CPNE8: variants seen among roughly 807,000 people sequenced by gnomAD.
CPNE8 encodes the protein copine 8.
Under a neutral mutation model 81.5 loss-of-function variants are expected in CPNE8, and 45 were observed. The ratio of observed to expected loss-of-function variants is 0.55; its 90% CI spans 0.44 to 0.71. The LOEUF is 0.71. Ranked by LOEUF, CPNE8 falls within the 30% of genes least tolerant of loss-of-function variation. The pLI is 0.00. For synonymous variants in CPNE8, 252 were observed against 226.3 expected, an observed-to-expected ratio of 1.11 and a Z score of -1.02; for missense variants, 594 against 672.1, an observed-to-expected ratio of 0.88 and a Z score of 1.28.
At chr12:38,881,131 AC>A (rs1383565244) in intron 1 of CPNE8, among the ~76,000 whole-genome samples, 1 of 151,084 alleles carries the variant, frequency 6.6e-6, no homozygotes, top group East Asian at 1.9e-4. Flanking sequence ...AATGGCGTGA[AC>A]CCGGGAGGCG....
intron 6 of CPNE8, among the ~76,000 whole-genome samples, chr12:38,806,716 C>G (rs1292363915): frequency 1.4e-5 from 2 of 141,662 alleles, no homozygotes; most frequent in African/African-American, 5.0e-5. Flanking sequence ...CCTCTCTCAC[C>G]ACTCCTATTC....
At chr12:38,671,982 C>T (rs1317208154) in intron 18 of CPNE8, among the ~76,000 whole-genome samples, 1 of 152,054 alleles carries the variant, frequency 6.6e-6, no homozygotes, top group Non-Finnish European at 1.5e-5. Flanking sequence ...ATCTCCCTTA[C>T]TTCTTGGATA....
chr12:38,811,588 C>G (rs1424920208), intron 6 of CPNE8, among the ~76,000 whole-genome samples: 1 of 152,146 alleles, frequency 6.6e-6, no homozygotes, highest in Admixed American at 6.5e-5. Context: ...GGCATGGTGG[C>G]TCACATTTGA....
At chr12:38,678,575 C>G (rs757540310) in intron 16 of CPNE8, among the ~76,000 whole-genome samples, 5 of 151,816 alleles carry the variant, frequency 3.3e-5, no homozygotes, top group Admixed American at 6.6e-5. Context: ...TCTTAAGGAG[C>G]CCAATGAATC....
intron 19 of CPNE8, among the ~76,000 whole-genome samples, chr12:38,660,937 T>A (rs1938938153): frequency 6.6e-6 from 1 of 152,214 alleles, no homozygotes; most frequent in African/African-American, 2.4e-5. Context: ...AGAATGGCAA[T>A]CATTAAAAAG....
chr12:38,742,542 G>T (rs1158190096), intron 10 of CPNE8, among the ~76,000 whole-genome samples: 1 of 138,174 alleles, frequency 7.2e-6, no homozygotes, highest in Non-Finnish European at 1.6e-5. Context: ...GGTGGAGGGA[G>T]TGGGGAGGGA....
chr12:38,905,925 G>T (rs1286359598), upstream of CPNE8: 2 of 985,260 alleles, frequency 2.0e-6, no homozygotes, highest in East Asian at 2.3e-4. Flanking sequence ...GTCCAGGACC[G>T]CAAGCCCTCG....
intron 3 of CPNE8, among the ~76,000 whole-genome samples, chr12:38,865,857 CT>C (rs1424914672): frequency 6.6e-5 from 10 of 152,206 alleles, no homozygotes; most frequent in Non-Finnish European, 2.9e-5. Flanking sequence ...AAAGTGTATA[CT>C]TGTTCAATTG....
intron 6 of CPNE8, among the ~76,000 whole-genome samples, chr12:38,782,809 T>C (rs556653883): frequency 1.3e-5 from 2 of 152,168 alleles, no homozygotes; most frequent in Non-Finnish European, 2.9e-5. Context: ...GCCTTCCAAG[T>C]AGCTAGGAAT....
At position 38,902,393 on chromosome 12, in the gene CPNE8, G is replaced by GAGAA. The variant is rs1295439144; in HGVS notation, c.98+3040_98+3043dup. 9.9e-4 allele frequency among the ~76,000 whole-genome samples: 54 copies of GAGAA among 54,652 alleles called. 2 individuals carry two copies. Among genetic ancestry groups the GAGAA allele is most frequent in the Middle Eastern group, 7.2e-3 (1 of 138 alleles). The allele number at this position is 54,652 out of a possible 152,430, so 35.9% of individuals were successfully genotyped here. A position where few individuals can be genotyped will look rare whatever the true frequency, so the allele number is the denominator to read the frequency against. On this transcript the variant is annotated intron_variant, in intron 1 of 19. Transcript: ENST00000331366. ...GAAAGAAAGAAAGAAAAGAAAGAAAGAGAAAGAAAGAAAGAAAGAAAGAAA... is the reference window on the plus strand; with the variant it reads ...GAAAGAAAGAAAGAAAAGAAAGAAAGAGAAAGAAAGAAAGAAAGAAAGAAAGAAA...
chr12:38,677,230 G>A (rs931765911), intron 17 of CPNE8, among the ~76,000 whole-genome samples: 4 of 151,390 alleles, frequency 2.6e-5, no homozygotes, highest in African/African-American at 7.3e-5. Flanking sequence ...TTTTTCTTTA[G>A]GCAAAAATTT....
chr12:38,840,005 G>A (rs1565643431), intron 4 of CPNE8, 50 bp from the exon 5 acceptor site: 10 of 1,477,832 alleles, frequency 6.8e-6, no homozygotes, highest in Admixed American at 2.2e-5. Context: ...AATACAGCTA[G>A]AAAAAAAACC....
intron 7 of CPNE8, among the ~76,000 whole-genome samples, chr12:38,772,819 C>T (rs1941830723): frequency 6.6e-6 from 1 of 152,008 alleles, no homozygotes; most frequent in Admixed American, 6.6e-5. Context: ...TCTGAACTCC[C>T]ATGTTTATTC....
intron 13 of CPNE8, among the ~76,000 whole-genome samples, chr12:38,707,104 A>C (rs1413724668): frequency 2.0e-5 from 3 of 152,166 alleles, no homozygotes; most frequent in Non-Finnish European, 2.9e-5. Context: ...ACTTGAAGCC[A>C]GGAGTTCCAG....
intron 13 of CPNE8, among the ~76,000 whole-genome samples, chr12:38,721,843 T>C (rs1592037733): frequency 6.6e-6 from 1 of 152,202 alleles, no homozygotes; most frequent in African/African-American, 2.4e-5. Flanking sequence ...GTGCGTCTGG[T>C]CCAGCCATAG....
intron 13 of CPNE8, among the ~76,000 whole-genome samples, chr12:38,708,201 C>G (rs1940161642): frequency 6.6e-6 from 1 of 151,942 alleles, no homozygotes; most frequent in African/African-American, 2.4e-5. Flanking sequence ...AAGAAAGTTC[C>G]TAGCAATACT....
chr12:38,698,556 G>T (rs999024504), intron 14 of CPNE8, among the ~76,000 whole-genome samples: 1 of 152,110 alleles, frequency 6.6e-6, no homozygotes, highest in Admixed American at 6.5e-5. Flanking sequence ...TTAAGTATTT[G>T]ATCCATTTTG....
intron 11 of CPNE8, among the ~76,000 whole-genome samples, chr12:38,725,912 G>C (rs1313128386): frequency 6.6e-6 from 1 of 152,172 alleles, no homozygotes; most frequent in Non-Finnish European, 1.5e-5. Flanking sequence ...TTTGGCACCA[G>C]GGTCTGGTTT....
At chr12:38,682,542 A>T (rs80080423) in intron 16 of CPNE8, among the ~76,000 whole-genome samples, 6,880 of 152,318 alleles carry the variant, frequency 0.045, 401 homozygotes, top group East Asian at 0.32. Flanking sequence ...TGGGCGACAG[A>T]GCAAACAAAC....
Sources: allele counts gnomAD v4.1 joint callset (sites outside exome capture counted in the v4.1 genomes callset), GRCh38; gene constraint gnomAD v4.1.1; transcripts MANE v1.5; gene names NCBI Gene and HGNC (gene_info 2026-07-23, HGNC 2026-07-21).